LAMA2: variants seen among roughly 807,000 people sequenced by gnomAD.
LAMA2 encodes the protein laminin subunit alpha 2.
LAMA2 carries 269 observed loss-of-function variants against 364.8 expected under a neutral mutation model. The observed-to-expected ratio is 0.74, with a 90% CI of 0.67 to 0.82. The LOEUF (loss-of-function observed/expected upper bound fraction) is 0.82, where lower values mean the gene tolerates loss of function less well. LAMA2 is among the 40% of genes least tolerant of loss of function. The pLI is 0.00. For synonymous variants in LAMA2, 1,379 were observed against 1,370.6 expected, an observed-to-expected ratio of 1.01 and a Z score of -0.14; for missense variants, 3,807 against 3,873.2, an observed-to-expected ratio of 0.98 and a Z score of 0.45.
chr6:129,503,068 CTT>C, intron 59 of LAMA2, 21 bp from the exon 60 acceptor site: 1 of 1,607,740 alleles, frequency 6.2e-7, no homozygotes, highest in Non-Finnish European at 8.5e-7. Flanking sequence ...TTCTGTTTGA[CTT>C]TGCATGCTTT....
At chr6:129,064,268 A>C (rs1021503855) in intron 3 of LAMA2, among the ~76,000 whole-genome samples, 2 of 152,008 alleles carry the variant, frequency 1.3e-5, no homozygotes, top group African/African-American at 4.8e-5. Context: ...GAAGAAGCAA[A>C]AGCAGTTCTA....
At chr6:128,884,410 T>G (rs1776031068) in intron 1 of LAMA2, among the ~76,000 whole-genome samples, 1 of 152,344 alleles carries the variant, frequency 6.6e-6, no homozygotes, top group Admixed American at 6.5e-5. Flanking sequence ...TTAAAAGTTT[T>G]AATGAGGCTG....
chr6:129,268,165 A>G (rs1045157107), intron 16 of LAMA2, among the ~76,000 whole-genome samples: 1 of 152,086 alleles, frequency 6.6e-6, no homozygotes, highest in Non-Finnish European at 1.5e-5. Flanking sequence ...TTTGGCATTT[A>G]GGTTTGTTGA....
chr6:129,377,894 C>T (rs1181389445), intron 34 of LAMA2, among the ~76,000 whole-genome samples: 5 of 151,754 alleles, frequency 3.3e-5, no homozygotes, highest in East Asian at 3.9e-4. Context: ...AGTAAATTAA[C>T]GTGTGCCTAA....
chr6:129,137,066 G>A (rs1421064461), intron 4 of LAMA2, among the ~76,000 whole-genome samples: 9 of 152,066 alleles, frequency 5.9e-5, no homozygotes, highest in Admixed American at 5.2e-4. Flanking sequence ...AGTTGTCAAC[G>A]ATACAGTCAT....
intron 12 of LAMA2, among the ~76,000 whole-genome samples, chr6:129,193,342 A>G (rs1781643982): frequency 6.6e-6 from 1 of 152,266 alleles, no homozygotes; most frequent in African/African-American, 2.4e-5. Context: ...AATGCTTGCC[A>G]TGAGGCTTAT....
intron 10 of LAMA2, among the ~76,000 whole-genome samples, chr6:129,181,527 A>T (rs998659458): frequency 6.6e-6 from 1 of 152,030 alleles, no homozygotes; most frequent in Non-Finnish European, 1.5e-5. Context: ...GAAAAGAAAC[A>T]TGTATAATTT....
intron 10 of LAMA2, 38 bp downstream of exon 10, chr6:129,177,904 C>G (rs78299321): frequency 1.3e-6 from 2 of 1,594,482 alleles, no homozygotes; most frequent in Non-Finnish European, 1.7e-6. Flanking sequence ...ACTGTCAAGA[C>G]AGAAGGTTAT....
chr6:129,513,707 G>A (rs1421039426), intron 63 of LAMA2, among the ~76,000 whole-genome samples: 1 of 151,958 alleles, frequency 6.6e-6, no homozygotes, highest in Admixed American at 6.6e-5. Flanking sequence ...CAAATTTCAG[G>A]GGCTTTTCCA....
chr6:129,274,408 G>A (rs1030047301), intron 17 of LAMA2, among the ~76,000 whole-genome samples: 5 of 151,450 alleles, frequency 3.3e-5, no homozygotes, highest in African/African-American at 1.2e-4. Context: ...ATTTCCACAG[G>A]TTATTCAGAG....
chr6:129,184,589 C>T (rs907711230), intron 10 of LAMA2, among the ~76,000 whole-genome samples: 3 of 151,762 alleles, frequency 2.0e-5, no homozygotes, highest in Middle Eastern at 3.2e-3. Flanking sequence ...CAACAAGAAT[C>T]CTGTTAATTT....
intron 52 of LAMA2, among the ~76,000 whole-genome samples, chr6:129,474,367 T>C (rs74392661): frequency 0.034 from 5,223 of 152,220 alleles, 275 homozygotes; most frequent in African/African-American, 0.12. Context: ...TGTCTAATTA[T>C]CTGATGAGCT....
chr6:128,972,351 T>C (rs1782236267), intron 1 of LAMA2, among the ~76,000 whole-genome samples: 1 of 152,214 alleles, frequency 6.6e-6, no homozygotes, highest in Admixed American at 6.5e-5. Flanking sequence ...TAAATGGTTT[T>C]GTATGAGTTA....
chr6:128,899,183 T>G (rs1342113491), intron 1 of LAMA2, among the ~76,000 whole-genome samples: 1 of 152,234 alleles, frequency 6.6e-6, no homozygotes, highest in Non-Finnish European at 1.5e-5. Flanking sequence ...GATACATAAA[T>G]ATTTTTTATT....
intron 15 of LAMA2, among the ~76,000 whole-genome samples, chr6:129,263,905 A>ATT (rs202195205): frequency 2.0e-5 from 3 of 150,440 alleles, no homozygotes; most frequent in Admixed American, 6.6e-5. Flanking sequence ...ATGCCCAGCT[A>ATT]TTTTTTTTTG....
chr6:129,126,051 TTCAGTAA>T (rs1044972401), intron 4 of LAMA2, among the ~76,000 whole-genome samples: 2 of 152,216 alleles, frequency 1.3e-5, no homozygotes, highest in Non-Finnish European at 2.9e-5. Flanking sequence ...TGCTGCTGTT[TTCAGTAA>T]TTAATATCAT....
chr6:129,421,279 C>T (rs1372229701), intron 40 of LAMA2, among the ~76,000 whole-genome samples: 1 of 151,758 alleles, frequency 6.6e-6, no homozygotes, highest in Non-Finnish European at 1.5e-5. Flanking sequence ...TAAAAATAGA[C>T]TCTGTTTTGC....
At chr6:129,188,895 G>A (rs1020323389) in intron 10 of LAMA2, among the ~76,000 whole-genome samples, 1 of 151,780 alleles carries the variant, frequency 6.6e-6, no homozygotes, top group South Asian at 2.1e-4. Flanking sequence ...TATGTTCTCA[G>A]ATTTTATCAT....
chr6:129,452,975 GT>G lies in LAMA2; in HGVS notation c.6430-5del, dbSNP rs550488535. Reference sequence around the variant, plus strand: ...ATTTACTCTTGGTTCTTTGTATCTTGTTTTTTTTAAAGATCAAAGTATCTGT... The same window carrying G: ...ATTTACTCTTGGTTCTTTGTATCTTGTTTTTTTAAAGATCAAAGTATCTGT... On this transcript the variant is annotated splice_polypyrimidine_tract_variant and intron_variant, in intron 45 of 64. Coordinates refer to ENST00000421865, the MANE Select transcript of LAMA2 (RefSeq NM_000426.4). The G allele has an allele frequency of 1.1e-5, 17 of 1,608,052 alleles. No homozygotes were observed. The highest frequency in any genetic ancestry group is 4.5e-5 in the East Asian group (2 of 44,652).
Sources: allele counts gnomAD v4.1 joint callset (sites outside exome capture counted in the v4.1 genomes callset), GRCh38; gene constraint gnomAD v4.1.1; transcripts MANE v1.5; gene names NCBI Gene and HGNC (gene_info 2026-07-23, HGNC 2026-07-21).